Variants in PREX2 observed in about 807,000 individuals in gnomAD.
The protein encoded by PREX2 is phosphatidylinositol-3,4,5-trisphosphate dependent Rac exchange factor 2, also known as phosphatidylinositol 3,4,5-trisphosphate-dependent Rac exchanger 2 protein.
Under a neutral mutation model 203.2 loss-of-function variants are expected in PREX2, and 107 were observed. That is an observed-to-expected ratio of 0.53 (90% CI 0.45 to 0.62). The LOEUF (loss-of-function observed/expected upper bound fraction) is 0.62. Ranked by LOEUF, PREX2 falls within the 20% of genes least tolerant of loss-of-function variation. The probability of loss-of-function intolerance (pLI) is 0.00; values close to 1 mark genes in which losing one functional copy is unlikely to be tolerated. For missense variants in PREX2, 1,777 were observed against 1,955.9 expected (o/e 0.91, Z 1.72); for synonymous variants, 672 against 663.6 (o/e 1.01, Z -0.19).
chr8:68,071,785 T>A (rs1425654849), intron 13 of PREX2, among the ~76,000 whole-genome samples: 1 of 152,102 alleles, frequency 6.6e-6, no homozygotes, highest in Non-Finnish European at 1.5e-5. Flanking sequence ...AACAGGTTCT[T>A]AGTGTGTCTA....
chr8:68,233,774 CAT>C lies in PREX2; in HGVS notation c.*2397_*2398del, dbSNP rs1813214563. ...TAACCCAGTGACTTGCACAAAGTCA[CAT>C]GATTGACAAGGGGTAGAACCAAAAT... On this transcript the variant is annotated 3_prime_UTR_variant, in exon 40 of 40. Transcript: ENST00000288368. 1 of 152,156 alleles carries C rather than the reference CAT, an allele frequency of 6.6e-6. No homozygotes were observed. Among genetic ancestry groups the C allele is most frequent in the Non-Finnish European group, 1.5e-5 (1 of 68,032 alleles). 9.4% of individuals were successfully genotyped at this position (152,156 alleles called of 1,614,324 possible). A position where few individuals can be genotyped will look rare whatever the true frequency, so the allele number is the denominator to read the frequency against.
At chr8:68,194,080 T>A (rs1252963598) in intron 37 of PREX2, among the ~76,000 whole-genome samples, 1 of 152,210 alleles carries the variant, frequency 6.6e-6, no homozygotes. Context: ...GATCAAAGCT[T>A]TGAAAGTTTT....
At chr8:68,017,970 T>G (rs1585709074) in intron 2 of PREX2, 53 bp downstream of exon 2, 2 of 1,432,748 alleles carry the variant, frequency 1.4e-6, no homozygotes, top group Admixed American at 1.8e-5. Flanking sequence ...TATAGATAAA[T>G]TTTGCTGGTG....
chr8:67,984,015 C>T (rs1340080875), intron 1 of PREX2, among the ~76,000 whole-genome samples: 2 of 151,668 alleles, frequency 1.3e-5, no homozygotes, highest in Non-Finnish European at 2.9e-5. Flanking sequence ...AATTTGTATT[C>T]TCATGCCTCT....
chr8:67,955,936 C>A (rs770313319), intron 1 of PREX2, among the ~76,000 whole-genome samples: 4 of 152,140 alleles, frequency 2.6e-5, no homozygotes, highest in Non-Finnish European at 5.9e-5. Context: ...GTGGTACCTG[C>A]CTTTAAAACA....
intron 6 of PREX2, among the ~76,000 whole-genome samples, chr8:68,035,954 G>A (rs1808015878): frequency 6.6e-6 from 1 of 152,146 alleles, no homozygotes; most frequent in Non-Finnish European, 1.5e-5. Context: ...GGTTGTGCTT[G>A]TCCTTGTTTA....
intron 1 of PREX2, among the ~76,000 whole-genome samples, chr8:67,963,825 G>A (rs926556550): frequency 3.3e-5 from 5 of 152,162 alleles, no homozygotes; most frequent in African/African-American, 1.2e-4. Context: ...AAAGCCATAT[G>A]TAATCAACAT....
In PREX2 at chr8:68,192,804, A is replaced by G. The variant is rs989895348; in HGVS notation, c.4604+279A>G. The stretch of plus-strand genomic sequence containing the variant: ...TACTTACATTTTAGGAAAAATGTGC[A>G]TTCATTTTATTCACTAGAGAAATTA... On this transcript the variant is annotated intron_variant, in intron 37 of 39. Transcript: ENST00000288368. 3.3e-5 allele frequency among the ~76,000 whole-genome samples: 5 copies of G among 152,318 alleles called. No individual in the cohort carries two copies. The East Asian group carries it at 9.6e-4, about 29-fold the overall frequency.
intron 3 of PREX2, among the ~76,000 whole-genome samples, chr8:68,020,636 T>C (rs996802120): frequency 2.6e-5 from 4 of 152,204 alleles, no homozygotes; most frequent in African/African-American, 7.2e-5. Context: ...GAGAGTCTCA[T>C]TGGGTATAGG....
intron 1 of PREX2, among the ~76,000 whole-genome samples, chr8:68,009,106 T>G (rs1807188555): frequency 1.3e-5 from 2 of 152,154 alleles, no homozygotes; most frequent in African/African-American, 4.8e-5. Context: ...GGAGTAGCCG[T>G]CGGGCAGCGA....
Position 68,108,338 on chromosome 8 carries a change from T to C in PREX2, c.2938+7T>C. The C allele has an allele frequency of 1.2e-6, 2 of 1,604,120 alleles. No homozygotes were observed. Among genetic ancestry groups the C allele is most frequent in the East Asian group, 2.2e-5 (1 of 44,740 alleles). On this transcript the variant is annotated splice_region_variant and intron_variant, in intron 24 of 39. Transcript: ENST00000288368. The stretch of plus-strand genomic sequence containing the variant: ...AACAAATCTTCGGAGCAAGGTATGC[T>C]AGCTTTTGCAACTTTATCAAATCAT...
intron 1 of PREX2, among the ~76,000 whole-genome samples, chr8:67,971,480 G>A (rs538579828): frequency 3.9e-5 from 6 of 152,138 alleles, no homozygotes; most frequent in African/African-American, 1.4e-4. Context: ...GAAATACAAG[G>A]AAATGAATAC....
intron 37 of PREX2, among the ~76,000 whole-genome samples, chr8:68,199,776 T>A (rs1037999462): frequency 1.3e-5 from 2 of 152,224 alleles, no homozygotes; most frequent in Non-Finnish European, 2.9e-5. Context: ...AATACTTTAC[T>A]CTGTCATTAC....
intron 30 of PREX2, among the ~76,000 whole-genome samples, chr8:68,125,814 A>G (rs1008106933): frequency 6.6e-6 from 1 of 152,054 alleles, no homozygotes; most frequent in African/African-American, 2.4e-5. Context: ...ATTTGTCCCA[A>G]TATTCTAAAG....
intron 7 of PREX2, among the ~76,000 whole-genome samples, chr8:68,042,677 A>C (rs1356494948): frequency 6.6e-6 from 1 of 152,102 alleles, no homozygotes; most frequent in Admixed American, 6.6e-5. Flanking sequence ...AATACATTTA[A>C]ATTTGCAATA....
intron 39 of PREX2, among the ~76,000 whole-genome samples, chr8:68,224,922 T>C (rs1813028845): frequency 6.6e-6 from 1 of 152,140 alleles, no homozygotes. Context: ...CCCATTTTCA[T>C]TTATACTTCT....
chr8:67,999,598 A>T (rs4645546), intron 1 of PREX2, among the ~76,000 whole-genome samples: 104,100 of 151,724 alleles, frequency 0.69, 35,946 homozygotes, highest in South Asian at 0.81. Flanking sequence ...GAGGAGAGAC[A>T]TTTACACAAC....
At chr8:67,967,808 A>G (rs796196231) in intron 1 of PREX2, among the ~76,000 whole-genome samples, 8 of 152,326 alleles carry the variant, frequency 5.3e-5, no homozygotes, top group African/African-American at 1.9e-4. Context: ...AGTACCTTGC[A>G]TTCTGAGCAA....
intron 8 of PREX2, among the ~76,000 whole-genome samples, chr8:68,047,355 C>T (rs1000940691): frequency 2.6e-5 from 4 of 151,038 alleles, no homozygotes; most frequent in African/African-American, 9.7e-5. Flanking sequence ...CCATACTTGG[C>T]CCTGGATAAG....
Sources: allele counts gnomAD v4.1 joint callset (sites outside exome capture counted in the v4.1 genomes callset), GRCh38; gene constraint gnomAD v4.1.1; transcripts MANE v1.5; gene names NCBI Gene and HGNC (gene_info 2026-07-23, HGNC 2026-07-21).